The following TIAM2 variants were observed in gnomAD, a reference collection of about 807,000 sequenced individuals.
The protein encoded by TIAM2 is rho guanine nucleotide exchange factor TIAM2.
In TIAM2, 80 loss-of-function variants were observed where a neutral mutation model predicts 152.9. That is an observed-to-expected ratio of 0.52 (90% CI 0.44 to 0.63). TIAM2 has a LOEUF of 0.63. Ranked by LOEUF, TIAM2 falls within the 30% of genes least tolerant of loss-of-function variation. The pLI, the probability that TIAM2 is intolerant of heterozygous loss-of-function variation, is 0.00. For synonymous variants in TIAM2, 804 were observed against 838.0 expected, an observed-to-expected ratio of 0.96 and a Z score of 0.70; for missense variants, 1,965 against 2,120.1, an observed-to-expected ratio of 0.93 and a Z score of 1.44.
At chr6:155,178,133 C>G (rs527878144) in intron 10 of TIAM2, among the ~76,000 whole-genome samples, 1 of 147,604 alleles carries the variant, frequency 6.8e-6, no homozygotes, top group South Asian at 2.1e-4. Flanking sequence ...TGCACCCCAG[C>G]CTGGGCGACA....
chr6:155,201,819 C>A (rs1418961517), intron 14 of TIAM2, among the ~76,000 whole-genome samples: 2 of 152,196 alleles, frequency 1.3e-5, no homozygotes, highest in Non-Finnish European at 2.9e-5. Context: ...ACATTTACTA[C>A]CAGCATTTAC....
chr6:155,032,082 G>C (rs1390230398), intron 1 of TIAM2, among the ~76,000 whole-genome samples: 1 of 129,660 alleles, frequency 7.7e-6, no homozygotes, highest in Non-Finnish European at 1.7e-5. Context: ...TGGAAGATCT[G>C]TGAGGGAAAA....
chr6:155,244,583 G>T (rs754590763), intron 17 of TIAM2, 75 bp from the exon 18 acceptor site: 58 of 1,503,458 alleles, frequency 3.9e-5, no homozygotes, highest in Non-Finnish European at 5.0e-5. Context: ...TGATTTATTT[G>T]TGGGCCTAAG....
At chr6:154,997,007 C>T (rs1242838299) in intron 1 of TIAM2, among the ~76,000 whole-genome samples, 1 of 151,252 alleles carries the variant, frequency 6.6e-6, no homozygotes, top group Non-Finnish European at 1.5e-5. Flanking sequence ...ACATACCATA[C>T]TAAGATGCTT....
rs533399127 is a variant in TIAM2 at position 155,248,332 on chromosome 6, G to A, written c.3832+153G>A. On this transcript the variant is annotated intron_variant, in intron 20 of 26. Transcript: ENST00000682666. ...TGCGATGGTTAATCTTAGGTTTCAC[G>A]TGAATATGTGAAACTAGCTAGGCGT... 4.6e-5 allele frequency among the ~76,000 whole-genome samples: 7 copies of A among 152,348 alleles called. No individual in the cohort carries two copies. In the East Asian group the frequency reaches 9.7e-4, roughly 21 times the overall value.
At chr6:155,198,852 A>G (rs1187059652) in intron 14 of TIAM2, among the ~76,000 whole-genome samples, 2 of 151,928 alleles carry the variant, frequency 1.3e-5, no homozygotes, top group Non-Finnish European at 2.9e-5. Flanking sequence ...TCAGTGGCAC[A>G]TGTGTGGAGG....
chr6:155,062,574 T>C (rs1247452472), intron 1 of TIAM2, among the ~76,000 whole-genome samples: 1 of 129,630 alleles, frequency 7.7e-6, no homozygotes. Flanking sequence ...TTTTTTCTTT[T>C]CTTTTTCTTT....
intron 5 of TIAM2, among the ~76,000 whole-genome samples, chr6:155,141,902 G>A (rs1403151193): frequency 5.9e-5 from 9 of 152,252 alleles, no homozygotes; most frequent in Middle Eastern, 3.4e-3. Flanking sequence ...CTAATATTAC[G>A]TCTCTATTCT....
chr6:155,046,532 GC>G (rs1279447791), intron 1 of TIAM2, among the ~76,000 whole-genome samples: 1 of 151,938 alleles, frequency 6.6e-6, no homozygotes, highest in African/African-American at 2.4e-5. Context: ...GACAGGTTTC[GC>G]CATGTTGGCC....
chr6:155,077,210 C>G (rs1777981006), intron 1 of TIAM2, among the ~76,000 whole-genome samples: 1 of 151,158 alleles, frequency 6.6e-6, no homozygotes, highest in South Asian at 2.1e-4. Flanking sequence ...GAACAGGAAC[C>G]CTATAGGCTT....
intron 4 of TIAM2, among the ~76,000 whole-genome samples, chr6:155,131,607 T>C (rs1779446563): frequency 6.6e-6 from 1 of 151,058 alleles, no homozygotes; most frequent in Non-Finnish European, 1.5e-5. Flanking sequence ...TGAGACAGAG[T>C]ATCGCTCCGT....
chr6:155,101,938 A>G (rs1778558356), intron 2 of TIAM2, among the ~76,000 whole-genome samples: 1 of 151,336 alleles, frequency 6.6e-6, no homozygotes, highest in Non-Finnish European at 1.5e-5. Context: ...TCCTGACCTC[A>G]TGATCTGCCT....
chr6:155,108,658 G>A (rs766840810), intron 2 of TIAM2, among the ~76,000 whole-genome samples: 3 of 152,092 alleles, frequency 2.0e-5, no homozygotes, highest in Admixed American at 6.6e-5. Flanking sequence ...CTGGAAGTGC[G>A]AGATAAGCGT....
At chr6:155,105,054 C>A (rs1173072949) in intron 2 of TIAM2, among the ~76,000 whole-genome samples, 1 of 151,862 alleles carries the variant, frequency 6.6e-6, no homozygotes, top group African/African-American at 2.4e-5. Context: ...CCTCCCCAGG[C>A]TCAATAGATC....
Position 155,257,204 on chromosome 6 carries a change from A to C in TIAM2, c.*83A>C, listed in dbSNP as rs1377330241. On this transcript the variant is annotated 3_prime_UTR_variant, in exon 27 of 27. Transcript: ENST00000682666. Reference sequence around the variant, plus strand: ...AGTGGAAATTGCAAAAAAAAAAAAAAAAAAAAACTGTTCATTCCTGGGTTT... The same window carrying C: ...AGTGGAAATTGCAAAAAAAAAAAAACAAAAAAACTGTTCATTCCTGGGTTT... The C allele has an allele frequency of 7.7e-6, 11 of 1,421,758 alleles. No homozygotes were observed. In the East Asian group the frequency reaches 9.4e-5, roughly 12 times the overall value. 88.1% of individuals were successfully genotyped at this position (1,421,758 alleles called of 1,614,324 possible).
chr6:155,042,875 G>A (rs1002091397), intron 1 of TIAM2, among the ~76,000 whole-genome samples: 4 of 151,980 alleles, frequency 2.6e-5, no homozygotes, highest in Non-Finnish European at 5.9e-5. Context: ...TACTCCTCCC[G>A]TCTAATTGGA....
At chr6:155,205,127 A>G (rs1453002570) in intron 14 of TIAM2, among the ~76,000 whole-genome samples, 2 of 138,110 alleles carry the variant, frequency 1.4e-5, no homozygotes, top group African/African-American at 5.3e-5. Flanking sequence ...TAAGTTTCCA[A>G]CATGTGAATT....
intron 7 of TIAM2, among the ~76,000 whole-genome samples, chr6:155,153,142 T>C (rs1408160478): frequency 6.6e-6 from 1 of 152,148 alleles, no homozygotes; most frequent in Non-Finnish European, 1.5e-5. Flanking sequence ...CTAATGCTAC[T>C]AATTTTTCAT....
intron 1 of TIAM2, among the ~76,000 whole-genome samples, chr6:154,997,269 C>CCGTAGG (rs1230254715): frequency 4.6e-5 from 7 of 152,194 alleles, no homozygotes; most frequent in Non-Finnish European, 7.3e-5. Context: ...TCTTCCTTAT[C>CCGTAGG]CGTAGGCGAA....
Sources: allele counts gnomAD v4.1 joint callset (sites outside exome capture counted in the v4.1 genomes callset), GRCh38; gene constraint gnomAD v4.1.1; transcripts MANE v1.5; gene names NCBI Gene and HGNC (gene_info 2026-07-23, HGNC 2026-07-21).